DOCK8: variants seen among roughly 807,000 people sequenced by gnomAD.
The protein encoded by DOCK8 is dedicator of cytokinesis 8, also known as dedicator of cytokinesis protein 8.
A neutral mutation model predicts 245.6 loss-of-function variants in DOCK8; 141 were observed. The observed-to-expected ratio is 0.57, with a 90% confidence interval of 0.50 to 0.66. The LOEUF is 0.66. Ranked by LOEUF, DOCK8 falls within the 30% of genes least tolerant of loss-of-function variation. The pLI is 0.00. For synonymous variants in DOCK8, 1,168 were observed against 970.2 expected (o/e 1.20, Z -3.79); for missense variants, 2,965 against 2,603.4 (o/e 1.14, Z -3.02).
Position 376,218 on chromosome 9 carries a change from A to C in DOCK8, c.2118A>C (p.Pro706=). ...TTTTCTCTTTAACACAGAAAGTCCC[A>C]TTACAGAATCCTCCCATTAAGTGGG... ...NYSMHSAEKV[P]LQNPPIKWAE... is the part of the protein sequence containing the mutation. Residue 706 remains proline (P), a synonymous_variant, in exon 19 of 48, where the codon CCA becomes CCC. Transcript: ENST00000432829. The C allele has an allele frequency of 6.2e-7, 1 of 1,609,740 alleles. No individual in the cohort carries two copies. Among genetic ancestry groups the C allele is most frequent in the African/African-American group, 1.3e-5 (1 of 74,892 alleles).
At chr9:236,261 TA>T (rs2047245959) in intron 1 of DOCK8, among the ~76,000 whole-genome samples, 1 of 151,942 alleles carries the variant, frequency 6.6e-6, no homozygotes, top group African/African-American at 2.4e-5. Flanking sequence ...AGAAAGGAGG[TA>T]AAAAAGACAT....
chr9:322,960 G>A (rs2050585814), intron 7 of DOCK8, among the ~76,000 whole-genome samples: 1 of 151,954 alleles, frequency 6.6e-6, no homozygotes, highest in Non-Finnish European at 1.5e-5. Context: ...GGGTGTGGTG[G>A]CACATGCCTG....
intron 1 of DOCK8, among the ~76,000 whole-genome samples, chr9:265,205 T>C (rs519651): frequency 0.44 from 67,125 of 152,064 alleles, 15,194 homozygotes; most frequent in East Asian, 0.78. Flanking sequence ...GTGCTGGGAT[T>C]ACAGGCTTGA....
chr9:214,658 G>A (rs2046690694), upstream of DOCK8: 3 of 1,604,630 alleles, frequency 1.9e-6, no homozygotes, highest in Non-Finnish European at 2.6e-6. Flanking sequence ...GCTCCCTTCG[G>A]CCGGAGGTCG....
At chr9:267,835 A>G (rs1185263109) in intron 1 of DOCK8, 4 of 152,232 alleles carry the variant, frequency 2.6e-5, no homozygotes, top group Admixed American at 2.0e-4. Context: ...ATTATTTGCT[A>G]TCATGCTATC....
intron 1 of DOCK8, among the ~76,000 whole-genome samples, chr9:228,563 T>G (rs1380047999): frequency 6.6e-6 from 1 of 152,178 alleles, no homozygotes; most frequent in Non-Finnish European, 1.5e-5. Flanking sequence ...GTGCTGAATT[T>G]TGCCTCCCCA....
Position 294,482 on chromosome 9 carries a change from T to C in DOCK8, c.404+4901T>C, listed in dbSNP as rs114103470. Reference sequence around the variant, plus strand: ...TCAGTTCCTCCAGTCTTCTTTTAGTTATTATTTTAATCTGGAAGCTATTAC... The same window carrying C: ...TCAGTTCCTCCAGTCTTCTTTTAGTCATTATTTTAATCTGGAAGCTATTAC... On this transcript the variant is annotated intron_variant, in intron 4 of 47. Coordinates refer to ENST00000432829, the MANE Select transcript of DOCK8 (RefSeq NM_203447.4). Among the ~76,000 whole-genome samples the C allele has an allele frequency of 3.7e-3, 565 of 152,370 alleles. 1 individual carries two copies. The highest frequency in any genetic ancestry group is 0.013 in the African/African-American group (547 of 41,588).
intron 1 of DOCK8, among the ~76,000 whole-genome samples, chr9:252,206 C>T (rs1167817421): frequency 6.6e-6 from 1 of 151,854 alleles, no homozygotes; most frequent in Non-Finnish European, 1.5e-5. Context: ...AACTCCTGAC[C>T]TCATGATTCA....
chr9:286,529 G>A lies in DOCK8; in HGVS notation c.225G>A (p.Leu75=). 1 of 1,614,030 alleles carries A rather than the reference G, an allele frequency of 6.2e-7. No individual in the cohort carries two copies. The highest frequency in any genetic ancestry group is 8.5e-7 in the Non-Finnish European group (1 of 1,179,934). Residue 75 remains leucine (L), a synonymous_variant, in exon 3 of 48, where the codon CTG becomes CTA. Coordinates refer to ENST00000432829, the MANE Select transcript of DOCK8 (RefSeq NM_203447.4). ...EGLLMTHLNS[L]DVQLAQELGD... ...TTCTGATGACACACCTGAACAGCCT[G>A]GATGTGCAGCTTGCCCAGGAGCTCG... is the stretch of plus-strand genomic sequence containing the variant.
chr9:438,207 GA>G (rs1316983678), intron 39 of DOCK8, among the ~76,000 whole-genome samples: 2 of 152,236 alleles, frequency 1.3e-5, no homozygotes, highest in Admixed American at 6.5e-5. Flanking sequence ...AACCAGGCCA[GA>G]AGGCAGACAG....
intron 18 of DOCK8, among the ~76,000 whole-genome samples, chr9:375,450 G>A (rs1037864758): frequency 3.3e-5 from 5 of 152,218 alleles, no homozygotes; most frequent in Non-Finnish European, 5.9e-5. Context: ...AAACTGTGGT[G>A]AAAGGGAAAG....
intron 1 of DOCK8, among the ~76,000 whole-genome samples, chr9:229,256 C>T (rs1031745975): frequency 6.6e-6 from 1 of 152,050 alleles, no homozygotes; most frequent in Non-Finnish European, 1.5e-5. Context: ...AATCAGAAGG[C>T]CTTGTCTTTC....
In DOCK8 at chr9:286,556, G is replaced by C; in HGVS notation, c.252G>C (p.Gly84=). The change falls in exon 3 of 48, where the codon GGG becomes GGC. Residue 84 remains glycine, a synonymous_variant. Transcript: ENST00000432829. ...ATGTGCAGCTTGCCCAGGAGCTCGG[G>C]GACTTCACTGATGACGACTTGGACG... The part of the protein sequence containing the change: ...SLDVQLAQEL[G]DFTDDDLDVV... 1 of 1,613,966 alleles carries C rather than the reference G, an allele frequency of 6.2e-7. No individual in the cohort carries two copies. Among genetic ancestry groups the C allele is most frequent in the Non-Finnish European group, 8.5e-7 (1 of 1,179,930 alleles).
chr9:300,371 C>G (rs1271168219), intron 4 of DOCK8, among the ~76,000 whole-genome samples: 2 of 152,094 alleles, frequency 1.3e-5, no homozygotes, highest in Admixed American at 6.5e-5. Context: ...CCTCATGTCC[C>G]TTTACCAGCT....
chr9:441,429 G>T lies in DOCK8; in HGVS notation c.5355+12G>T. 6.2e-7 allele frequency: 1 copy of T among 1,614,122 alleles called. No homozygotes were observed. Among genetic ancestry groups the T allele is most frequent in the Non-Finnish European group, 8.5e-7 (1 of 1,180,012 alleles). On this transcript the variant is annotated intron_variant, in intron 41 of 47. Transcript: ENST00000432829. ...GCATCGTTAACAAGGTAGCCGGGGA[G>T]CCTGGCTGGCAGGTCTTGTTACCTG...
At chr9:303,336 G>A (rs1284030648) in intron 4 of DOCK8, among the ~76,000 whole-genome samples, 2 of 152,132 alleles carry the variant, frequency 1.3e-5, no homozygotes, top group African/African-American at 2.4e-5. Flanking sequence ...ACATGCACTC[G>A]TATGTTCCTC....
At chr9:387,264 T>C (rs986594771) in intron 23 of DOCK8, among the ~76,000 whole-genome samples, 15 of 151,908 alleles carry the variant, frequency 9.9e-5, no homozygotes, top group African/African-American at 3.6e-4. Flanking sequence ...GCCAACATGG[T>C]GAAACCCCCT....
intron 39 of DOCK8, among the ~76,000 whole-genome samples, chr9:438,517 A>G (rs10974440): frequency 0.089 from 13,620 of 152,238 alleles, 794 homozygotes; most frequent in African/African-American, 0.16. Flanking sequence ...GCTAGGGTGA[A>G]GAGGCACTCA....
intron 14 of DOCK8, among the ~76,000 whole-genome samples, chr9:356,258 G>C (rs1010235423): frequency 6.6e-6 from 1 of 152,178 alleles, no homozygotes; most frequent in Non-Finnish European, 1.5e-5. Flanking sequence ...GCTGGGCGTG[G>C]TGGCTCACGC....
Sources: allele counts gnomAD v4.1 joint callset (sites outside exome capture counted in the v4.1 genomes callset), GRCh38; gene constraint gnomAD v4.1.1; transcripts MANE v1.5; gene names NCBI Gene and HGNC (gene_info 2026-07-23, HGNC 2026-07-21).